The following PDCD10 variants were observed in gnomAD, a reference collection of about 807,000 sequenced individuals.
The protein encoded by PDCD10 is programmed cell death protein 10.
PDCD10 carries 4 observed loss-of-function variants against 29.2 expected under a neutral mutation model. The observed-to-expected ratio is 0.14, with a 90% CI of 0.07 to 0.31. PDCD10 has a LOEUF of 0.31. Ranked by LOEUF, PDCD10 falls within the 10% of genes least tolerant of loss-of-function variation. The probability of loss-of-function intolerance (pLI) is 1.00; values close to 1 mark genes in which losing one functional copy is unlikely to be tolerated. For synonymous variants in PDCD10, 70 were observed against 82.2 expected, an observed-to-expected ratio of 0.85 and a Z score of 0.80; for missense variants, 183 against 257.9, an observed-to-expected ratio of 0.71 and a Z score of 1.99.
chr3:167,724,763 A>G (rs1723919528), intron 2 of PDCD10, among the ~76,000 whole-genome samples: 1 of 152,238 alleles, frequency 6.6e-6, no homozygotes, highest in South Asian at 2.1e-4. Context: ...CAGTGATAAT[A>G]AGACTTCATT....
chr3:167,694,256 C>T (rs1277459800), intron 6 of PDCD10: 1 of 176,800 alleles, frequency 5.7e-6, no homozygotes, highest in African/African-American at 2.4e-5. Flanking sequence ...TACTAAAAAA[C>T]ATGCATTTAC....
At chr3:167,697,503 A>G (rs1415732628) in intron 4 of PDCD10, among the ~76,000 whole-genome samples, 3 of 152,156 alleles carry the variant, frequency 2.0e-5, no homozygotes, top group Non-Finnish European at 2.9e-5. Flanking sequence ...TTAATGTGCT[A>G]ATACTGCAAC....
intron 8 of PDCD10, among the ~76,000 whole-genome samples, chr3:167,685,379 T>C (rs557930633): frequency 1.8e-5 from 2 of 110,952 alleles, no homozygotes; most frequent in Non-Finnish European, 3.3e-5. Flanking sequence ...CTGGGCAACA[T>C]AGCAAGACTC....
chr3:167,722,957 A>G (rs992749514), intron 2 of PDCD10, among the ~76,000 whole-genome samples: 1 of 152,244 alleles, frequency 6.6e-6, no homozygotes, highest in African/African-American at 2.4e-5. Context: ...AACAAAAAGA[A>G]CAGTATTTTG....
intron 6 of PDCD10, 32 bp from the exon 7 acceptor site, chr3:167,687,725 C>T (rs1292928169): frequency 2.6e-6 from 3 of 1,157,212 alleles, no homozygotes; most frequent in Non-Finnish European, 3.9e-6. Context: ...ATATCAGCTA[C>T]ATTTGAAAGA....
intron 1 of PDCD10, 96 bp from the exon 2 acceptor site, chr3:167,734,446 ACAG>A (rs1725177841): frequency 2.0e-5 from 3 of 152,546 alleles, no homozygotes; most frequent in African/African-American, 7.2e-5. Flanking sequence ...CAGGGGGAAA[ACAG>A]CAGCCTCACC....
At chr3:167,697,889 G>A (rs966795904) in intron 4 of PDCD10, 3 of 455,626 alleles carry the variant, frequency 6.6e-6, no homozygotes, top group African/African-American at 2.0e-5. Context: ...GTTTTTCCCA[G>A]TAAATTCTGT....
chr3:167,692,297 G>A (rs968555363), intron 6 of PDCD10, among the ~76,000 whole-genome samples: 3 of 152,158 alleles, frequency 2.0e-5, no homozygotes, highest in African/African-American at 7.2e-5. Flanking sequence ...TGGGGATGAG[G>A]CCCAAGTATA....
intron 6 of PDCD10, among the ~76,000 whole-genome samples, chr3:167,688,379 T>C (rs1049266359): frequency 2.0e-5 from 3 of 152,146 alleles, no homozygotes; most frequent in Admixed American, 6.6e-5. Flanking sequence ...GGAGACAACA[T>C]CACAATATTC....
In PDCD10 at chr3:167,690,349, CT is replaced by C. The variant is rs533902062; in HGVS notation, c.396-2657del. Among the ~76,000 whole-genome samples, 18 of 152,300 alleles carry C rather than the reference CT, an allele frequency of 1.2e-4. No homozygotes were observed. The South Asian group carries it at 3.3e-3, about 28-fold the overall frequency. ...GCACTAATGAAAGGGAATCCCTGTG[CT>C]TTATGTTGAGTTTGGTTTAGACTGG... is the stretch of plus-strand genomic sequence containing the variant. On this transcript the variant is annotated intron_variant, in intron 6 of 8. Coordinates refer to ENST00000392750, the MANE Select transcript of PDCD10 (RefSeq NM_007217.4).
Position 167,683,840 on chromosome 3 carries a change from C to CATATATATATATAT in PDCD10, c.*454_*467dup. The CATATATATATATAT allele has an allele frequency of 7.4e-6, 1 of 135,664 alleles. No individual in the cohort carries two copies. The highest frequency in any genetic ancestry group is 2.4e-4 in the South Asian group (1 of 4,254). 8.4% of individuals were successfully genotyped at this position (135,664 alleles called of 1,614,324 possible). ...CACCAAGTTGTCTTGGTCTTCTGTT[C>CATATATATATATAT]ATATATATATATATATATATATATA... On this transcript the variant is annotated 3_prime_UTR_variant, in exon 9 of 9. Coordinates refer to ENST00000392750, the MANE Select transcript of PDCD10 (RefSeq NM_007217.4).
intron 2 of PDCD10, among the ~76,000 whole-genome samples, chr3:167,721,707 C>CA (rs1723586732): frequency 6.6e-6 from 1 of 152,128 alleles, no homozygotes. Flanking sequence ...TTCTAAACAT[C>CA]AAAGAGTTTT....
chr3:167,710,735 A>G (rs1437953454), intron 3 of PDCD10, among the ~76,000 whole-genome samples: 1 of 152,240 alleles, frequency 6.6e-6, no homozygotes, highest in Non-Finnish European at 1.5e-5. Flanking sequence ...TGTTTACAGC[A>G]GGCCTTGGGT....
chr3:167,722,910 C>T (rs908591992), intron 2 of PDCD10, among the ~76,000 whole-genome samples: 8 of 152,170 alleles, frequency 5.3e-5, no homozygotes, highest in African/African-American at 1.9e-4. Context: ...AATAAATAGT[C>T]TCTTCTCTAA....
intron 2 of PDCD10, among the ~76,000 whole-genome samples, chr3:167,728,216 G>A (rs991011418): frequency 2.5e-4 from 37 of 147,736 alleles, no homozygotes; most frequent in Non-Finnish European, 4.3e-4. Flanking sequence ...AAGACATAGA[G>A]AAAGATGTGC....
chr3:167,698,183 G>C (rs1721003088), intron 4 of PDCD10, among the ~76,000 whole-genome samples: 1 of 152,066 alleles, frequency 6.6e-6, no homozygotes, highest in South Asian at 2.1e-4. Flanking sequence ...AAAAACTGAA[G>C]GGTTGTGGGA....
At chr3:167,684,861 GCTACAAACTA>G (rs1406467466) in intron 8 of PDCD10, among the ~76,000 whole-genome samples, 1 of 152,096 alleles carries the variant, frequency 6.6e-6, no homozygotes, top group East Asian at 1.9e-4. Flanking sequence ...GAAATTCTAA[GCTACAAACTA>G]CTACAAACTA....
In PDCD10 at chr3:167,684,168, A is replaced by ATC. The variant is rs1719325864; in HGVS notation, c.*139_*140insGA. ...ACATTTTACAAAAATATGGTGTAAGATGGCAATAATCCCATTCAACATCCT... is the reference window on the plus strand; with the variant it reads ...ACATTTTACAAAAATATGGTGTAAGATCTGGCAATAATCCCATTCAACATCCT... On this transcript the variant is annotated 3_prime_UTR_variant, in exon 9 of 9. Transcript: ENST00000392750. 1.6e-6 allele frequency: 1 copy of ATC among 637,310 alleles called. No individual in the cohort carries two copies. Among genetic ancestry groups the ATC allele is most frequent in the Non-Finnish European group, 2.9e-6 (1 of 345,390 alleles). 39.5% of individuals were successfully genotyped at this position (637,310 alleles called of 1,614,324 possible). A position where few individuals can be genotyped will look rare whatever the true frequency, so the allele number is the denominator to read the frequency against.
intron 3 of PDCD10, among the ~76,000 whole-genome samples, chr3:167,706,763 G>C (rs1395280005): frequency 2.0e-5 from 3 of 152,128 alleles, no homozygotes; most frequent in Non-Finnish European, 4.4e-5. Flanking sequence ...ATATATTCAT[G>C]GTGTCCAGGA....
Sources: gnomAD v4.1 joint callset for allele counts (sites outside exome capture counted in the v4.1 genomes callset) on GRCh38, gnomAD v4.1.1 for gene constraint, MANE v1.5 for transcripts, NCBI Gene and HGNC (gene_info 2026-07-23, HGNC 2026-07-21) for gene names.